Variants in KCND2 observed in about 807,000 individuals in gnomAD.
KCND2 encodes the protein A-type voltage-gated potassium channel KCND2.
KCND2 carries 16 observed loss-of-function variants against 54.4 expected under a neutral mutation model. The observed-to-expected ratio is 0.29, with a 90% CI of 0.20 to 0.45. The LOEUF (loss-of-function observed/expected upper bound fraction) is 0.45. KCND2 is among the 20% of genes least tolerant of loss of function. The probability of loss-of-function intolerance (pLI) is 1.00; values close to 1 mark genes in which losing one functional copy is unlikely to be tolerated. For missense variants in KCND2, 486 were observed against 824.2 expected, an observed-to-expected ratio of 0.59 and a Z score of 5.02; for synonymous variants, 317 against 310.7, an observed-to-expected ratio of 1.02 and a Z score of -0.21.
At chr7:120,424,003 G>A (rs1292261693) in intron 1 of KCND2, among the ~76,000 whole-genome samples, 2 of 152,100 alleles carry the variant, frequency 1.3e-5, no homozygotes, top group African/African-American at 4.8e-5. Context: ...TTCTTCTAAA[G>A]GGATAAAAAC....
intron 1 of KCND2, among the ~76,000 whole-genome samples, chr7:120,434,483 G>T (rs375167776): frequency 6.6e-6 from 1 of 152,132 alleles, no homozygotes; most frequent in Non-Finnish European, 1.5e-5. Flanking sequence ...CTCTGTCTCC[G>T]CTCCAGAATG....
intron 1 of KCND2, among the ~76,000 whole-genome samples, chr7:120,443,194 C>A (rs1255744528): frequency 6.6e-6 from 1 of 151,886 alleles, no homozygotes; most frequent in Non-Finnish European, 1.5e-5. Context: ...CACTCTGTCC[C>A]TCAAGGCAAA....
chr7:120,505,611 C>T (rs1279212457), intron 1 of KCND2, among the ~76,000 whole-genome samples: 1 of 151,722 alleles, frequency 6.6e-6, no homozygotes, highest in African/African-American at 2.4e-5. Flanking sequence ...TTAATATGAT[C>T]TCTTGCCCAT....
intron 1 of KCND2, among the ~76,000 whole-genome samples, chr7:120,474,360 G>A (rs1468111524): frequency 1.3e-5 from 2 of 151,924 alleles, no homozygotes; most frequent in African/African-American, 2.4e-5. Flanking sequence ...GTTTTGAGAC[G>A]GAGTTTTGCT....
chr7:120,353,553 A>C (rs1800447384), intron 1 of KCND2, among the ~76,000 whole-genome samples: 1 of 152,150 alleles, frequency 6.6e-6, no homozygotes, highest in Admixed American at 6.6e-5. Flanking sequence ...GAGATAGGAA[A>C]TGAAAGAAGA....
At chr7:120,318,826 T>C (rs1799852138) in intron 1 of KCND2, among the ~76,000 whole-genome samples, 1 of 152,068 alleles carries the variant, frequency 6.6e-6, no homozygotes, top group Admixed American at 6.6e-5. Flanking sequence ...TTTGTACTGA[T>C]CTTTGGAACA....
At chr7:120,316,860 G>A (rs1230534132) in intron 1 of KCND2, among the ~76,000 whole-genome samples, 1 of 149,456 alleles carries the variant, frequency 6.7e-6, no homozygotes. Flanking sequence ...TTTTTGGGAC[G>A]AGGTCTCACT....
chr7:120,700,184 A>G (rs1029180236), intron 1 of KCND2, among the ~76,000 whole-genome samples: 3 of 152,254 alleles, frequency 2.0e-5, no homozygotes, highest in Admixed American at 2.0e-4. Flanking sequence ...AGAAAAGGAT[A>G]TAAATAGAAC....
intron 1 of KCND2, among the ~76,000 whole-genome samples, chr7:120,711,189 T>C (rs1377271638): frequency 6.6e-6 from 1 of 152,126 alleles, no homozygotes; most frequent in East Asian, 1.9e-4. Context: ...GATTTATGAA[T>C]TGTGTGAGAG....
At chr7:120,697,803 A>G (rs1209102359) in intron 1 of KCND2, among the ~76,000 whole-genome samples, 1 of 152,232 alleles carries the variant, frequency 6.6e-6, no homozygotes, top group African/African-American at 2.4e-5. Context: ...GATTGAAGAA[A>G]TATTCTTAAC....
intron 1 of KCND2, among the ~76,000 whole-genome samples, chr7:120,448,914 G>A (rs949158481): frequency 6.6e-6 from 1 of 152,108 alleles, no homozygotes; most frequent in African/African-American, 2.4e-5. Context: ...CTTAAATATA[G>A]TGACATTCTG....
intron 2 of KCND2, among the ~76,000 whole-genome samples, chr7:120,733,656 C>G (rs1792834678): frequency 6.6e-6 from 1 of 151,988 alleles, no homozygotes; most frequent in Admixed American, 6.6e-5. Context: ...TAAAGGTCAC[C>G]AAGATGTGTC....
chr7:120,713,069 G>A (rs891118303), intron 1 of KCND2, among the ~76,000 whole-genome samples: 26 of 152,084 alleles, frequency 1.7e-4, no homozygotes, highest in East Asian at 1.9e-4. Context: ...CTGTAATAAA[G>A]GTGTAATATT....
intron 1 of KCND2, among the ~76,000 whole-genome samples, chr7:120,434,049 T>G (rs1801831262): frequency 6.6e-6 from 1 of 152,138 alleles, no homozygotes; most frequent in South Asian, 2.1e-4. Flanking sequence ...AGTGCCCTAG[T>G]GTAATGTAAG....
chr7:120,674,182 G>A (rs745698921), intron 1 of KCND2, among the ~76,000 whole-genome samples: 1 of 152,072 alleles, frequency 6.6e-6, no homozygotes, highest in African/African-American at 2.4e-5. Context: ...GGGATTACAG[G>A]CATGAGCCAC....
chr7:120,522,048 G>A (rs1214001942), intron 1 of KCND2, among the ~76,000 whole-genome samples: 2 of 152,106 alleles, frequency 1.3e-5, no homozygotes, highest in Non-Finnish European at 2.9e-5. Context: ...ACACACATTT[G>A]CAACAACTCA....
At chr7:120,372,808 A>G (rs1332147868) in intron 1 of KCND2, among the ~76,000 whole-genome samples, 1 of 151,886 alleles carries the variant, frequency 6.6e-6, no homozygotes, top group African/African-American at 2.4e-5. Flanking sequence ...CAGGACTGCT[A>G]AATTTAGTAC....
At position 120,732,969 on chromosome 7, in the gene KCND2, G is replaced by A. The variant is rs1402229920; in HGVS notation, c.1182G>A (p.Gly394=). 2 of 1,613,536 alleles carry A rather than the reference G, an allele frequency of 1.2e-6. No individual in the cohort carries two copies. Among genetic ancestry groups the A allele is most frequent in the African/African-American group, 2.7e-5 (2 of 74,846 alleles). Residue 394 remains glycine, a synonymous_variant, in exon 2 of 6, where the codon GGG becomes GGA. Coordinates refer to ENST00000331113, the MANE Select transcript of KCND2 (RefSeq NM_012281.3). ...KIFGSICSLS[G]VLVIALPVPV... Reference sequence around the variant, plus strand: ...TTGGTTCTATCTGTTCGCTGAGTGGGGTCTTGGTCATTGCTCTACCTGTTC... The same window carrying A: ...TTGGTTCTATCTGTTCGCTGAGTGGAGTCTTGGTCATTGCTCTACCTGTTC...
chr7:120,554,518 C>T (rs1792138980), intron 1 of KCND2, among the ~76,000 whole-genome samples: 1 of 152,138 alleles, frequency 6.6e-6, no homozygotes, highest in African/African-American at 2.4e-5. Context: ...ATGCCATTCT[C>T]CTGCCTCAGC....
Sources: gnomAD v4.1 joint callset for allele counts (sites outside exome capture counted in the v4.1 genomes callset) on GRCh38, gnomAD v4.1.1 for gene constraint, MANE v1.5 for transcripts, NCBI Gene and HGNC (gene_info 2026-07-23, HGNC 2026-07-21) for gene names.